The following FBXL17 variants were observed in gnomAD, a reference collection of about 807,000 sequenced individuals.
FBXL17 encodes F-box/LRR-repeat protein 17.
A neutral mutation model predicts 66.2 loss-of-function variants in FBXL17; 22 were observed. That is an observed-to-expected ratio of 0.33 (90% CI 0.24 to 0.47). The LOEUF (loss-of-function observed/expected upper bound fraction) is 0.47. FBXL17 is among the 20% of genes least tolerant of loss of function. FBXL17 has a pLI of 1.00. For missense variants in FBXL17, 878 were observed against 948.2 expected (o/e 0.93, Z 0.97); for synonymous variants, 474 against 400.5 (o/e 1.18, Z -2.19).
At chr5:108,003,505 G>A (rs1753814812) in intron 7 of FBXL17, among the ~76,000 whole-genome samples, 1 of 152,012 alleles carries the variant, frequency 6.6e-6, no homozygotes, top group African/African-American at 2.4e-5. Context: ...GAAAAAAGAA[G>A]AAAGAAAAGA....
At chr5:108,032,828 G>C (rs760647638) in intron 6 of FBXL17, among the ~76,000 whole-genome samples, 18 of 152,132 alleles carry the variant, frequency 1.2e-4, no homozygotes, top group Non-Finnish European at 2.1e-4. Flanking sequence ...AACTAATACA[G>C]TGTCTAAGAA....
intron 6 of FBXL17, among the ~76,000 whole-genome samples, chr5:108,074,704 C>T (rs1278138417): frequency 1.3e-5 from 2 of 152,196 alleles, no homozygotes; most frequent in African/African-American, 4.8e-5. Context: ...AGATTCATCT[C>T]AGGTCTAAAA....
chr5:107,927,887 A>T (rs574683780), intron 7 of FBXL17, among the ~76,000 whole-genome samples: 1 of 152,224 alleles, frequency 6.6e-6, no homozygotes, highest in African/African-American at 2.4e-5. Flanking sequence ...CATGTTGGCA[A>T]TTACTCTTTT....
At chr5:108,118,607 T>C (rs1750357182) in intron 6 of FBXL17, among the ~76,000 whole-genome samples, 1 of 152,262 alleles carries the variant, frequency 6.6e-6, no homozygotes, top group Admixed American at 6.5e-5. Flanking sequence ...GTCCTTCTTA[T>C]GATCTTCCTC....
Position 107,861,453 on chromosome 5 carries a change from T to G in FBXL17, c.*267A>C. On this transcript the variant is annotated 3_prime_UTR_variant, in exon 9 of 9. Coordinates refer to ENST00000542267, the MANE Select transcript of FBXL17 (RefSeq NM_001163315.3). ...GACTCTATATTAAAAATAATTTTTT[T>G]TTAAAGAGAAAGAAGCCTTTGAAGT... The G allele has an allele frequency of 4.0e-6, 1 of 247,224 alleles. No homozygotes were observed. Among genetic ancestry groups the G allele is most frequent in the Non-Finnish European group, 7.6e-6 (1 of 131,794 alleles). 15.3% of individuals were successfully genotyped at this position (247,224 alleles called of 1,614,324 possible). A position where few individuals can be genotyped will look rare whatever the true frequency, so the allele number is the denominator to read the frequency against.
intron 7 of FBXL17, among the ~76,000 whole-genome samples, chr5:107,976,806 T>C (rs1057363746): frequency 6.6e-6 from 1 of 152,054 alleles, no homozygotes; most frequent in Non-Finnish European, 1.5e-5. Context: ...TAATAAACAG[T>C]GTTTAAGGTC....
intron 7 of FBXL17, among the ~76,000 whole-genome samples, chr5:107,973,238 T>C (rs1484280309): frequency 1.3e-5 from 2 of 152,210 alleles, no homozygotes; most frequent in South Asian, 4.1e-4. Flanking sequence ...AGCCTTGTTT[T>C]AGAGCAAGCT....
chr5:107,869,746 C>A (rs1172422123), intron 8 of FBXL17, among the ~76,000 whole-genome samples: 1 of 152,176 alleles, frequency 6.6e-6, no homozygotes, highest in Non-Finnish European at 1.5e-5. Flanking sequence ...GCTTTTCAAT[C>A]TCTCACCTCT....
chr5:108,210,839 G>C (rs1255564120), intron 5 of FBXL17, among the ~76,000 whole-genome samples: 1 of 152,204 alleles, frequency 6.6e-6, no homozygotes, highest in Non-Finnish European at 1.5e-5. Context: ...TCTTGGTCCA[G>C]AGCTGAGTTC....
In FBXL17 at chr5:108,361,007, TG is replaced by T. The variant is rs1457414188; in HGVS notation, c.1374+3730del. Among the ~76,000 whole-genome samples, 7 of 152,070 alleles carry T rather than the reference TG, an allele frequency of 4.6e-5. No individual in the cohort carries two copies. In the South Asian group the frequency reaches 6.2e-4, roughly 13 times the overall value. On this transcript the variant is annotated intron_variant, in intron 3 of 8. Transcript: ENST00000542267. ...CTAATTTCCTTCATTTCTTTGGCCATGGTTTCCTTTATGTCTTTGAGCATAT... is the reference window on the plus strand; with the variant it reads ...CTAATTTCCTTCATTTCTTTGGCCATGTTTCCTTTATGTCTTTGAGCATAT...
chr5:108,092,256 A>C (rs946140088), intron 6 of FBXL17, among the ~76,000 whole-genome samples: 1 of 152,210 alleles, frequency 6.6e-6, no homozygotes, highest in Non-Finnish European at 1.5e-5. Flanking sequence ...ATGAGAGTAG[A>C]TAACACTTGG....
At chr5:107,901,100 G>C (rs1479383586) in intron 7 of FBXL17, among the ~76,000 whole-genome samples, 1 of 152,100 alleles carries the variant, frequency 6.6e-6, no homozygotes, top group African/African-American at 2.4e-5. Flanking sequence ...TTTTATAAGA[G>C]TTACATAATA....
chr5:108,372,991 G>GT (rs1749141519), intron 1 of FBXL17, among the ~76,000 whole-genome samples: 1 of 151,866 alleles, frequency 6.6e-6, no homozygotes, highest in South Asian at 2.1e-4. Context: ...TCATAAAGCT[G>GT]TAACTTGTGA....
At chr5:108,141,072 G>A (rs913296416) in intron 6 of FBXL17, among the ~76,000 whole-genome samples, 1 of 151,856 alleles carries the variant, frequency 6.6e-6, no homozygotes, top group African/African-American at 2.4e-5. Flanking sequence ...TTCCTTCACG[G>A]TGGCCCCTGT....
chr5:108,005,438 G>A (rs1180656591), intron 7 of FBXL17, among the ~76,000 whole-genome samples: 1 of 152,058 alleles, frequency 6.6e-6, no homozygotes, highest in Admixed American at 6.6e-5. Flanking sequence ...TAAAAAATGT[G>A]GTATGGATGG....
At chr5:107,907,465 A>G (rs1194424632) in intron 7 of FBXL17, among the ~76,000 whole-genome samples, 1 of 152,156 alleles carries the variant, frequency 6.6e-6, no homozygotes, top group Middle Eastern at 3.2e-3. Flanking sequence ...AAAATGAAAC[A>G]AAACGAGGCA....
intron 6 of FBXL17, among the ~76,000 whole-genome samples, chr5:108,158,115 T>C (rs1193903359): frequency 2.0e-5 from 3 of 152,242 alleles, no homozygotes; most frequent in South Asian, 2.1e-4. Flanking sequence ...TTTCAGATGA[T>C]GTAACTGTCT....
At chr5:107,863,917 G>A (rs1455459206) in intron 8 of FBXL17, among the ~76,000 whole-genome samples, 3 of 152,122 alleles carry the variant, frequency 2.0e-5, no homozygotes, top group Non-Finnish European at 2.9e-5. Context: ...AGGTATGTCC[G>A]CTCTTTGAGC....
At chr5:107,969,146 G>A (rs1430845565) in intron 7 of FBXL17, among the ~76,000 whole-genome samples, 1 of 152,078 alleles carries the variant, frequency 6.6e-6, no homozygotes, top group Admixed American at 6.6e-5. Flanking sequence ...CAGAGACTAG[G>A]TGGCCCGGAA....
Sources: allele counts gnomAD v4.1 joint callset (sites outside exome capture counted in the v4.1 genomes callset), GRCh38; gene constraint gnomAD v4.1.1; transcripts MANE v1.5; gene names NCBI Gene and HGNC (gene_info 2026-07-23, HGNC 2026-07-21).